Variants in PATJ observed in about 807,000 individuals in gnomAD.
PATJ encodes the protein inaD-like protein.
PATJ carries 190 observed loss-of-function variants against 224.9 expected under a neutral mutation model. The ratio of observed to expected loss-of-function variants is 0.84; its 90% CI spans 0.75 to 0.95. PATJ has a LOEUF of 0.95. Ranked by LOEUF, PATJ falls within the 40% of genes least tolerant of loss-of-function variation. The probability of loss-of-function intolerance (pLI) is 0.00; values close to 1 mark genes in which losing one functional copy is unlikely to be tolerated. For synonymous variants in PATJ, 769 were observed against 820.3 expected (o/e 0.94, Z 1.07); for missense variants, 2,121 against 2,270.3 (o/e 0.93, Z 1.34).
chr1:61,863,118 G>A (rs538360104), intron 19 of PATJ, among the ~76,000 whole-genome samples: 129 of 143,046 alleles, frequency 9.0e-4, no homozygotes, highest in Non-Finnish European at 1.4e-3. Flanking sequence ...TCACTTCAGC[G>A]TCAGTCTCCT....
intron 26 of PATJ, among the ~76,000 whole-genome samples, chr1:61,919,894 C>T (rs1191370462): frequency 6.6e-6 from 1 of 151,998 alleles, no homozygotes; most frequent in Non-Finnish European, 1.5e-5. Context: ...TGGCCTAGTA[C>T]ATAGTTATTA....
At chr1:61,806,563 G>A (rs902229105) in intron 13 of PATJ, among the ~76,000 whole-genome samples, 33 of 151,172 alleles carry the variant, frequency 2.2e-4, no homozygotes, top group Non-Finnish European at 4.4e-4. Context: ...AGCTTGCAGT[G>A]AGCGGAGATC....
intron 41 of PATJ, among the ~76,000 whole-genome samples, chr1:62,133,587 A>G (rs980039360): frequency 1.3e-5 from 2 of 152,128 alleles, no homozygotes; most frequent in Non-Finnish European, 2.9e-5. Context: ...TCGAGAAAAA[A>G]GAATAGAAAA....
At chr1:62,042,994 G>T (rs771656670) in intron 30 of PATJ, among the ~76,000 whole-genome samples, 2 of 152,136 alleles carry the variant, frequency 1.3e-5, no homozygotes, top group East Asian at 3.9e-4. Context: ...GAAGGGTATC[G>T]CAGAGAACAA....
intron 7 of PATJ, among the ~76,000 whole-genome samples, chr1:61,779,341 C>T (rs532753438): frequency 2.0e-4 from 31 of 152,186 alleles, no homozygotes; most frequent in Non-Finnish European, 4.3e-4. Flanking sequence ...TAGGGCAGGC[C>T]GGCAGAATGT....
At chr1:62,150,454 T>C (rs1267978710) in intron 42 of PATJ, among the ~76,000 whole-genome samples, 1 of 152,108 alleles carries the variant, frequency 6.6e-6, no homozygotes, top group East Asian at 1.9e-4. Flanking sequence ...ATATGGGGCA[T>C]AACTCAGTTA....
chr1:62,015,468 G>A (rs1570055823), intron 28 of PATJ, among the ~76,000 whole-genome samples: 2 of 152,264 alleles, frequency 1.3e-5, no homozygotes, highest in East Asian at 3.9e-4. Flanking sequence ...TTCTTTTAGA[G>A]AAGGGGAAAC....
chr1:61,796,777 CCT>C (rs1488184892), intron 10 of PATJ, among the ~76,000 whole-genome samples: 2 of 138,764 alleles, frequency 1.4e-5, no homozygotes, highest in African/African-American at 5.5e-5. Context: ...ATTTTCTTCC[CCT>C]TTCTTTCCCC....
At chr1:62,080,963 T>C (rs990583054) in intron 32 of PATJ, among the ~76,000 whole-genome samples, 2 of 152,064 alleles carry the variant, frequency 1.3e-5, no homozygotes, top group Non-Finnish European at 2.9e-5. Flanking sequence ...CCTAAGAAAA[T>C]TTTATTAAAA....
At chr1:61,871,430 T>TGTATATAC (rs1666436142) in intron 20 of PATJ, among the ~76,000 whole-genome samples, 2 of 113,866 alleles carry the variant, frequency 1.8e-5, no homozygotes, top group African/African-American at 6.3e-5. Context: ...TATGTACATA[T>TGTATATAC]ATATGTGTAT....
chr1:61,878,114 GT>G (rs1032943961), intron 21 of PATJ, among the ~76,000 whole-genome samples: 1 of 152,252 alleles, frequency 6.6e-6, no homozygotes, highest in African/African-American at 2.4e-5. Context: ...TAGTGGTGTA[GT>G]TTAACAGACT....
chr1:62,149,732 C>G (rs1668433363), intron 42 of PATJ, among the ~76,000 whole-genome samples: 1 of 151,782 alleles, frequency 6.6e-6, no homozygotes, highest in Non-Finnish European at 1.5e-5. Context: ...TTCCATGCCT[C>G]TGGCAGGCTG....
In PATJ at chr1:61,923,257, T is replaced by C. The variant is rs540028066; in HGVS notation, c.3571-4473T>C. ...CAGAATGCTCTTTTTACTGTATTAC[T>C]TTTCTCTGAAATTGCATCTTAGATG... On this transcript the variant is annotated intron_variant, in intron 26 of 43. Coordinates refer to ENST00000642238, the MANE Select transcript of PATJ (RefSeq NM_001350145.3). Among the ~76,000 whole-genome samples the C allele has an allele frequency of 1.6e-3, 245 of 152,322 alleles. 1 individual carries two copies. The highest frequency in any genetic ancestry group is 5.7e-3 in the African/African-American group (235 of 41,586).
intron 29 of PATJ, among the ~76,000 whole-genome samples, chr1:62,021,544 C>T (rs1386842922): frequency 6.6e-6 from 1 of 151,986 alleles, no homozygotes; most frequent in Non-Finnish European, 1.5e-5. Flanking sequence ...TGTCCAAAAT[C>T]AACAATTATA....
intron 33 of PATJ, among the ~76,000 whole-genome samples, chr1:62,088,261 C>T (rs1660283481): frequency 6.6e-6 from 1 of 152,180 alleles, no homozygotes; most frequent in South Asian, 2.1e-4. Flanking sequence ...CGCCAGCCAC[C>T]CAGCTAGCTC....
chr1:62,151,073 A>G (rs1462896586), intron 42 of PATJ, among the ~76,000 whole-genome samples: 2 of 151,938 alleles, frequency 1.3e-5, no homozygotes, highest in Non-Finnish European at 2.9e-5. Context: ...CGGGAGGCAG[A>G]GGTTGCGGTG....
chr1:61,959,502 A>G (rs1571512422), intron 27 of PATJ, among the ~76,000 whole-genome samples: 1 of 145,646 alleles, frequency 6.9e-6, no homozygotes, highest in East Asian at 2.0e-4. Flanking sequence ...TGGCACAATC[A>G]TGGCTCACTG....
chr1:61,787,612 A>G (rs968770973), intron 7 of PATJ, 142 bp from the exon 8 acceptor site: 10 of 628,786 alleles, frequency 1.6e-5, no homozygotes, highest in Admixed American at 1.1e-4. Context: ...TCAACCAGTT[A>G]TTAACAGTAT....
At chr1:61,817,547 C>A (rs1262385161) in intron 14 of PATJ, among the ~76,000 whole-genome samples, 1 of 152,066 alleles carries the variant, frequency 6.6e-6, no homozygotes, top group Non-Finnish European at 1.5e-5. Flanking sequence ...ACCTGTAATC[C>A]CAGCTGCTGG....
Sources: gnomAD v4.1 joint callset for allele counts (sites outside exome capture counted in the v4.1 genomes callset) on GRCh38, gnomAD v4.1.1 for gene constraint, MANE v1.5 for transcripts, NCBI Gene and HGNC (gene_info 2026-07-23, HGNC 2026-07-21) for gene names.